Variants in ENOX1 observed in about 807,000 individuals in gnomAD.
ENOX1 encodes the protein ecto-NOX disulfide-thiol exchanger 1, also known as candidate growth-related and time keeping constitutive hydroquinone (NADH) oxidase.
ENOX1 carries 42 observed loss-of-function variants against 82.5 expected under a neutral mutation model. The ratio of observed to expected loss-of-function variants is 0.51; its 90% CI spans 0.40 to 0.66. The LOEUF is 0.66. ENOX1 is among the 30% of genes least tolerant of loss of function. The pLI is 0.00. For synonymous variants in ENOX1, 271 were observed against 282.2 expected, an observed-to-expected ratio of 0.96 and a Z score of 0.40; for missense variants, 608 against 811.6, an observed-to-expected ratio of 0.75 and a Z score of 3.05.
intron 1 of ENOX1, among the ~76,000 whole-genome samples, chr13:43,752,811 CCTT>C (rs969343509): frequency 8.6e-5 from 13 of 151,880 alleles, no homozygotes; most frequent in Admixed American, 2.6e-4. Context: ...AGTCCTCCAA[CCTT>C]CTTCTTTTTT....
chr13:43,351,412 T>A (rs946279779), intron 8 of ENOX1, among the ~76,000 whole-genome samples: 7 of 149,358 alleles, frequency 4.7e-5, no homozygotes, highest in East Asian at 2.0e-4. Context: ...TATTTATTTA[T>A]TTTATTTATT....
chr13:43,349,695 G>GC (rs2049643502), intron 8 of ENOX1, among the ~76,000 whole-genome samples: 1 of 152,182 alleles, frequency 6.6e-6, no homozygotes, highest in Admixed American at 6.5e-5. Flanking sequence ...TGATTTGTAC[G>GC]CACATGGAGG....
chr13:43,361,935 T>C (rs1187218960), intron 5 of ENOX1, among the ~76,000 whole-genome samples: 2 of 149,494 alleles, frequency 1.3e-5, no homozygotes, highest in East Asian at 2.0e-4. Flanking sequence ...GCATACTTTA[T>C]AATGATGTAT....
At chr13:43,559,540 G>T (rs2079580305) in intron 2 of ENOX1, among the ~76,000 whole-genome samples, 1 of 152,136 alleles carries the variant, frequency 6.6e-6, no homozygotes. Context: ...CTTCTGAAAA[G>T]AAATACTTAT....
intron 1 of ENOX1, among the ~76,000 whole-genome samples, chr13:43,750,830 C>T (rs1327034469): frequency 2.6e-5 from 4 of 152,152 alleles, no homozygotes; most frequent in Non-Finnish European, 5.9e-5. Context: ...TAACAGAGAA[C>T]CTTTACTGGT....
intron 1 of ENOX1, among the ~76,000 whole-genome samples, chr13:43,749,239 T>A (rs1371544185): frequency 6.6e-6 from 1 of 152,210 alleles, no homozygotes; most frequent in Non-Finnish European, 1.5e-5. Context: ...TTTGCATGAA[T>A]GTATTTGACA....
chr13:43,379,062 T>C (rs948758776), intron 5 of ENOX1, among the ~76,000 whole-genome samples: 4 of 152,048 alleles, frequency 2.6e-5, no homozygotes, highest in African/African-American at 9.7e-5. Context: ...CCAAAAAACA[T>C]AGGCAACATC....
intron 10 of ENOX1, among the ~76,000 whole-genome samples, chr13:43,325,234 C>T (rs564892915): frequency 5.3e-5 from 8 of 152,294 alleles, no homozygotes; most frequent in South Asian, 4.1e-4. Context: ...CTCTTCCTTA[C>T]TCATAATCCT....
rs142584098 is a variant in ENOX1 at position 43,489,414 on chromosome 13, G to T, written c.-218-5262C>A. ...ATTCTGAGGCTTACAGAGTGCAAGAGCTGTGAGACACAGCTGCTTCCGCCT... is the reference window on the plus strand; with the variant it reads ...ATTCTGAGGCTTACAGAGTGCAAGATCTGTGAGACACAGCTGCTTCCGCCT... On this transcript the variant is annotated intron_variant, in intron 2 of 16. Transcript: ENST00000690772. 4.4e-4 allele frequency among the ~76,000 whole-genome samples: 67 copies of T among 152,324 alleles called. No homozygotes were observed. The East Asian group carries it at 0.013, about 29-fold the overall frequency.
chr13:43,332,175 C>T (rs181142142), intron 9 of ENOX1, among the ~76,000 whole-genome samples: 30 of 152,128 alleles, frequency 2.0e-4, no homozygotes, highest in Admixed American at 1.6e-3. Context: ...GCATCCCCAA[C>T]GTTTTTGGCA....
intron 3 of ENOX1, chr13:43,458,465 T>A (rs1333323494): frequency 6.6e-6 from 1 of 152,186 alleles, no homozygotes; most frequent in East Asian, 1.9e-4. Context: ...AGGCATCGCA[T>A]CACTGGTAAG....
At chr13:43,522,410 T>C (rs1306140299) in intron 2 of ENOX1, among the ~76,000 whole-genome samples, 2 of 152,164 alleles carry the variant, frequency 1.3e-5, no homozygotes, top group East Asian at 3.8e-4. Context: ...TCCATTTTAA[T>C]AATTCCCATA....
At chr13:43,526,099 GT>G (rs1053735002) in intron 2 of ENOX1, among the ~76,000 whole-genome samples, 9 of 152,074 alleles carry the variant, frequency 5.9e-5, no homozygotes, top group Non-Finnish European at 1.3e-4. Flanking sequence ...GATGGTTAAA[GT>G]TTTTTGAAGA....
At chr13:43,778,241 A>G (rs1481429166) in intron 1 of ENOX1, among the ~76,000 whole-genome samples, 1 of 152,186 alleles carries the variant, frequency 6.6e-6, no homozygotes, top group Non-Finnish European at 1.5e-5. Flanking sequence ...ACAAGCTTCA[A>G]CCTCTTCATT....
chr13:43,774,228 T>C (rs927243429), intron 1 of ENOX1, among the ~76,000 whole-genome samples: 8 of 152,324 alleles, frequency 5.3e-5, no homozygotes, highest in South Asian at 2.1e-4. Context: ...TGCAGAAAGA[T>C]ACAACTGAAA....
At chr13:43,381,860 T>G (rs2052074013) in intron 5 of ENOX1, among the ~76,000 whole-genome samples, 1 of 152,028 alleles carries the variant, frequency 6.6e-6, no homozygotes, top group Admixed American at 6.6e-5. Flanking sequence ...AAGTAGACTT[T>G]GTAGTTACAA....
intron 1 of ENOX1, among the ~76,000 whole-genome samples, chr13:43,720,059 T>C (rs1594559976): frequency 1.3e-5 from 2 of 151,712 alleles, no homozygotes; most frequent in African/African-American, 4.8e-5. Flanking sequence ...CAGAGAACAG[T>C]GTTTCATTTT....
At chr13:43,641,529 A>ATTTTC (rs2083649814) in intron 2 of ENOX1, among the ~76,000 whole-genome samples, 6 of 83,094 alleles carry the variant, frequency 7.2e-5, no homozygotes, top group African/African-American at 2.4e-4. Flanking sequence ...TTAATTTTTA[A>ATTTTC]TTTTTTTTTT....
chr13:43,522,630 G>A (rs1353960008), intron 2 of ENOX1, among the ~76,000 whole-genome samples: 1 of 152,130 alleles, frequency 6.6e-6, no homozygotes, highest in Non-Finnish European at 1.5e-5. Context: ...AGGATCCTGG[G>A]ACAGCAGGTG....
Sources: gnomAD v4.1 joint callset for allele counts (sites outside exome capture counted in the v4.1 genomes callset) on GRCh38, gnomAD v4.1.1 for gene constraint, MANE v1.5 for transcripts, NCBI Gene and HGNC (gene_info 2026-07-23, HGNC 2026-07-21) for gene names.